EPHA5: variants seen among roughly 807,000 people sequenced by gnomAD.
EPHA5 encodes EPH receptor A5, also known as ephrin type-A receptor 5.
A neutral mutation model predicts 105.0 loss-of-function variants in EPHA5; 60 were observed. The ratio of observed to expected loss-of-function variants is 0.57; its 90% CI spans 0.46 to 0.71. The LOEUF is 0.71. EPHA5 is among the 30% of genes least tolerant of loss of function. The probability of loss-of-function intolerance (pLI) is 0.00; values close to 1 mark genes in which losing one functional copy is unlikely to be tolerated. For missense variants in EPHA5, 1,218 were observed against 1,274.7 expected, an observed-to-expected ratio of 0.96 and a Z score of 0.68; for synonymous variants, 513 against 449.1, an observed-to-expected ratio of 1.14 and a Z score of -1.80.
At chr4:65,426,285 G>A (rs1010998276) in intron 5 of EPHA5, among the ~76,000 whole-genome samples, 3 of 152,046 alleles carry the variant, frequency 2.0e-5, no homozygotes, top group African/African-American at 7.2e-5. Context: ...CTCTAAATTT[G>A]TCCTGCCTCA....
intron 5 of EPHA5, among the ~76,000 whole-genome samples, chr4:65,475,181 T>G (rs1314974189): frequency 6.6e-6 from 1 of 152,170 alleles, no homozygotes; most frequent in African/African-American, 2.4e-5. Context: ...CCTTTATTAT[T>G]CAATTTTTTA....
At chr4:65,572,810 A>T (rs1740334459) in intron 3 of EPHA5, among the ~76,000 whole-genome samples, 1 of 146,576 alleles carries the variant, frequency 6.8e-6, no homozygotes, top group Non-Finnish European at 1.5e-5. Flanking sequence ...GCAGGCGGAT[A>T]ACCTGAGGTC....
chr4:65,553,744 A>G (rs1482147836), intron 3 of EPHA5, among the ~76,000 whole-genome samples: 2 of 152,094 alleles, frequency 1.3e-5, no homozygotes, highest in Admixed American at 6.6e-5. Context: ...TGCAGTGCAT[A>G]TATTACATTT....
chr4:65,647,369 G>T (rs1050296841), intron 1 of EPHA5, among the ~76,000 whole-genome samples: 3 of 149,616 alleles, frequency 2.0e-5, no homozygotes, highest in African/African-American at 7.4e-5. Flanking sequence ...TAGACATAGG[G>T]TATATATAAA....
intron 14 of EPHA5, among the ~76,000 whole-genome samples, chr4:65,341,076 T>G (rs1721669114): frequency 6.6e-6 from 1 of 152,110 alleles, no homozygotes; most frequent in Non-Finnish European, 1.5e-5. Context: ...TCAATTTTTC[T>G]TAGAAAAATT....
At chr4:65,640,192 G>A (rs555587106) in intron 2 of EPHA5, among the ~76,000 whole-genome samples, 1 of 147,748 alleles carries the variant, frequency 6.8e-6, no homozygotes, top group Non-Finnish European at 1.5e-5. Flanking sequence ...GTTAATGTTT[G>A]TTTCTTTAAT....
chr4:65,662,905 G>T (rs1312748135), intron 1 of EPHA5, among the ~76,000 whole-genome samples: 1 of 151,936 alleles, frequency 6.6e-6, no homozygotes, highest in South Asian at 2.1e-4. Context: ...GCAAGTTATT[G>T]CACTCTGCTT....
chr4:65,616,988 A>G (rs534233078), intron 2 of EPHA5, among the ~76,000 whole-genome samples: 1 of 152,200 alleles, frequency 6.6e-6, no homozygotes, highest in East Asian at 1.9e-4. Context: ...TGTATAGAAA[A>G]GCGATACAGT....
At chr4:65,658,637 A>G (rs1378687444) in intron 1 of EPHA5, among the ~76,000 whole-genome samples, 4 of 152,090 alleles carry the variant, frequency 2.6e-5, no homozygotes, top group African/African-American at 7.2e-5. Context: ...AATCTTTTCA[A>G]TTCTAAGCCA....
At chr4:65,645,717 G>A (rs184754495) in intron 1 of EPHA5, among the ~76,000 whole-genome samples, 180 of 151,562 alleles carry the variant, frequency 1.2e-3, no homozygotes, top group Non-Finnish European at 2.0e-3. Flanking sequence ...TCTCAATGTC[G>A]GAATACACTG....
At chr4:65,438,527 G>C (rs1287377839) in intron 5 of EPHA5, among the ~76,000 whole-genome samples, 1 of 151,770 alleles carries the variant, frequency 6.6e-6, no homozygotes, top group African/African-American at 2.4e-5. Flanking sequence ...ATGAGCAGAA[G>C]GCTATAGAGA....
intron 3 of EPHA5, among the ~76,000 whole-genome samples, chr4:65,591,543 T>C (rs895530171): frequency 6.6e-6 from 1 of 152,060 alleles, no homozygotes; most frequent in Non-Finnish European, 1.5e-5. Context: ...TTCACTCATA[T>C]ATTTATTTCA....
At chr4:65,512,565 C>A (rs2149263087) in intron 3 of EPHA5, among the ~76,000 whole-genome samples, 1 of 152,174 alleles carries the variant, frequency 6.6e-6, no homozygotes. Flanking sequence ...CGCTCTGTCT[C>A]TCTTGCTGCT....
chr4:65,392,107 A>G (rs935470067), intron 8 of EPHA5, among the ~76,000 whole-genome samples: 1 of 152,060 alleles, frequency 6.6e-6, no homozygotes, highest in Non-Finnish European at 1.5e-5. Context: ...AGTTGTTGCT[A>G]TGTTCCTTGT....
chr4:65,418,820 G>C (rs985043798), intron 6 of EPHA5, among the ~76,000 whole-genome samples: 10 of 108,764 alleles, frequency 9.2e-5, no homozygotes, highest in Non-Finnish European at 1.5e-4. Context: ...TTTGAATTTT[G>C]TATACTGTGA....
intron 7 of EPHA5, 107 bp from the exon 8 acceptor site, chr4:65,404,586 CCA>C: frequency 1.2e-6 from 1 of 841,920 alleles, no homozygotes; most frequent in Non-Finnish European, 1.9e-6. Context: ...AGCAATTTAC[CCA>C]CACTTAGCTG....
chr4:65,659,637 C>T (rs955066694), intron 1 of EPHA5, among the ~76,000 whole-genome samples: 1 of 152,000 alleles, frequency 6.6e-6, no homozygotes, highest in Admixed American at 6.6e-5. Context: ...ACGTAAACCA[C>T]TTAGAACAAT....
chr4:65,601,620 G>T (rs2149436520), intron 3 of EPHA5, 21 bp downstream of exon 3: 2 of 1,606,060 alleles, frequency 1.2e-6, no homozygotes, highest in South Asian at 1.1e-5. Context: ...AGCCCCTGCA[G>T]ATCTGGAGGC....
At chr4:65,522,329 T>C (rs1472701166) in intron 3 of EPHA5, among the ~76,000 whole-genome samples, 2 of 149,934 alleles carry the variant, frequency 1.3e-5, no homozygotes, top group Non-Finnish European at 3.0e-5. Context: ...TATATATATA[T>C]ATATAAAATC....
Sources: gnomAD v4.1 joint callset for allele counts (sites outside exome capture counted in the v4.1 genomes callset) on GRCh38, gnomAD v4.1.1 for gene constraint, MANE v1.5 for transcripts, NCBI Gene and HGNC (gene_info 2026-07-23, HGNC 2026-07-21) for gene names.